DDX10: variants seen among roughly 807,000 people sequenced by gnomAD.
The protein encoded by DDX10 is probable ATP-dependent RNA helicase DDX10.
In DDX10, 74 loss-of-function variants were observed where a neutral mutation model predicts 104.3. The ratio of observed to expected loss-of-function variants is 0.71; its 90% CI spans 0.59 to 0.86. The LOEUF (loss-of-function observed/expected upper bound fraction) is 0.86. DDX10 is among the 40% of genes least tolerant of loss of function. The pLI is 0.00. For synonymous variants in DDX10, 351 were observed against 353.4 expected, an observed-to-expected ratio of 0.99 and a Z score of 0.08; for missense variants, 952 against 1,040.0, an observed-to-expected ratio of 0.92 and a Z score of 1.16.
intron 4 of DDX10, among the ~76,000 whole-genome samples, chr11:108,677,948 C>CA (rs879557085): frequency 3.9e-5 from 6 of 151,960 alleles, no homozygotes; most frequent in Non-Finnish European, 7.4e-5. Flanking sequence ...TGAGCGGTGT[C>CA]AGAGTCTGTT....
intron 13 of DDX10, among the ~76,000 whole-genome samples, chr11:108,815,977 T>C (rs1308250618): frequency 1.3e-5 from 2 of 152,246 alleles, no homozygotes; most frequent in African/African-American, 4.8e-5. Flanking sequence ...GTTGAAACTT[T>C]TCTTGCTATG....
At chr11:108,938,018 A>G (rs1172386664) in intron 17 of DDX10, among the ~76,000 whole-genome samples, 1 of 152,130 alleles carries the variant, frequency 6.6e-6, no homozygotes, top group African/African-American at 2.4e-5. Context: ...ATTTTGAAGG[A>G]ACCCCCTCAT....
intron 9 of DDX10, among the ~76,000 whole-genome samples, chr11:108,698,069 A>T (rs1209911776): frequency 2.6e-5 from 4 of 152,222 alleles, no homozygotes; most frequent in Admixed American, 1.3e-4. Flanking sequence ...GGGACAGCAG[A>T]GGCCAAACCT....
At chr11:108,887,389 C>T (rs1863312260) in intron 16 of DDX10, among the ~76,000 whole-genome samples, 1 of 151,036 alleles carries the variant, frequency 6.6e-6, no homozygotes, top group South Asian at 2.1e-4. Context: ...TTATATTTGT[C>T]TGTATGTAGA....
chr11:108,837,483 A>T (rs1211756592), intron 13 of DDX10, among the ~76,000 whole-genome samples: 1 of 151,890 alleles, frequency 6.6e-6, no homozygotes, highest in Admixed American at 6.6e-5. Context: ...CTCACCATTC[A>T]CTTAGCATAA....
At chr11:108,875,301 C>T (rs1030807202) in intron 16 of DDX10, among the ~76,000 whole-genome samples, 18 of 152,098 alleles carry the variant, frequency 1.2e-4, no homozygotes, top group Admixed American at 3.3e-4. Context: ...TATCTTAGCT[C>T]TTTATCTCTA....
At chr11:108,676,949 CT>C (rs1168764052) in intron 3 of DDX10, 135 bp from the exon 4 acceptor site, 4 of 703,516 alleles carry the variant, frequency 5.7e-6, no homozygotes, top group Non-Finnish European at 9.2e-6. Flanking sequence ...AAATCATTTA[CT>C]TTGGACTGGA....
chr11:108,863,464 C>T (rs1476743922), intron 16 of DDX10, among the ~76,000 whole-genome samples: 1 of 152,034 alleles, frequency 6.6e-6, no homozygotes, highest in Non-Finnish European at 1.5e-5. Context: ...TTAGTTTTCC[C>T]CCTTACTACA....
chr11:108,715,556 A>T (rs900444765), intron 10 of DDX10, among the ~76,000 whole-genome samples: 1 of 152,212 alleles, frequency 6.6e-6, no homozygotes, highest in Non-Finnish European at 1.5e-5. Flanking sequence ...ATTCCATTTC[A>T]TATAGAATGG....
chr11:108,667,766 G>A (rs2094211908), intron 1 of DDX10, among the ~76,000 whole-genome samples: 1 of 152,168 alleles, frequency 6.6e-6, no homozygotes, highest in Non-Finnish European at 1.5e-5. Context: ...CTAAGGAAAG[G>A]TACTCTTCCT....
At chr11:108,786,190 T>G (rs1288047979) in intron 13 of DDX10, among the ~76,000 whole-genome samples, 9 of 152,184 alleles carry the variant, frequency 5.9e-5, no homozygotes, top group African/African-American at 2.2e-4. Context: ...TTTCTGTTTT[T>G]ATTGCACCGT....
rs183980192 is a variant in DDX10 at position 108,777,129 on chromosome 11, T to C, written c.1965+53667T>C. Among the ~76,000 whole-genome samples the C allele has an allele frequency of 1.2e-3, 188 of 152,326 alleles. 2 individuals carry two copies. Among genetic ancestry groups the C allele is most frequent in the Middle Eastern group, 3.4e-3 (1 of 294 alleles). ...ATTTCCTGCAGCATGATTTCCTTCT[T>C]TCCTAAGGCTGTCCTTCAGTTTCTG... On this transcript the variant is annotated intron_variant, in intron 13 of 17. Coordinates refer to ENST00000322536, the MANE Select transcript of DDX10 (RefSeq NM_004398.4).
At chr11:108,760,501 C>G (rs2094349483) in intron 13 of DDX10, among the ~76,000 whole-genome samples, 1 of 152,012 alleles carries the variant, frequency 6.6e-6, no homozygotes, top group Admixed American at 6.6e-5. Flanking sequence ...GGAACATTCT[C>G]AACATTGATC....
intron 17 of DDX10, among the ~76,000 whole-genome samples, chr11:108,927,746 T>G (rs1863926693): frequency 6.6e-6 from 1 of 152,092 alleles, no homozygotes; most frequent in Non-Finnish European, 1.5e-5. Flanking sequence ...GAAGCAATTC[T>G]CCTGCCTCAG....
At chr11:108,783,296 T>C (rs1362460127) in intron 13 of DDX10, among the ~76,000 whole-genome samples, 1 of 152,194 alleles carries the variant, frequency 6.6e-6, no homozygotes, top group Non-Finnish European at 1.5e-5. Context: ...AGACTTAAAA[T>C]GGGCCATTAG....
intron 16 of DDX10, among the ~76,000 whole-genome samples, chr11:108,883,522 T>C (rs969967059): frequency 2.0e-5 from 3 of 152,132 alleles, no homozygotes; most frequent in African/African-American, 7.2e-5. Flanking sequence ...CAGATCTTCT[T>C]ATTAGTATGC....
intron 14 of DDX10, among the ~76,000 whole-genome samples, chr11:108,840,668 A>C (rs1393810906): frequency 6.6e-6 from 1 of 152,192 alleles, no homozygotes; most frequent in Admixed American, 6.5e-5. Context: ...GGATTTGAGC[A>C]AGCCTGTGAA....
At chr11:108,897,552 G>A (rs976931517) in intron 16 of DDX10, among the ~76,000 whole-genome samples, 17 of 152,134 alleles carry the variant, frequency 1.1e-4, no homozygotes, top group East Asian at 3.9e-4. Context: ...CTTCTAGGCC[G>A]CCAAGGTGAG....
At chr11:108,815,180 T>C (rs920740787) in intron 13 of DDX10, among the ~76,000 whole-genome samples, 1 of 152,088 alleles carries the variant, frequency 6.6e-6, no homozygotes, top group African/African-American at 2.4e-5. Flanking sequence ...ACATTACCTT[T>C]TGGTTTATAT....
Sources: gnomAD v4.1 joint callset for allele counts (sites outside exome capture counted in the v4.1 genomes callset) on GRCh38, gnomAD v4.1.1 for gene constraint, MANE v1.5 for transcripts, NCBI Gene and HGNC (gene_info 2026-07-23, HGNC 2026-07-21) for gene names.